Variants in BTBD10 observed in about 807,000 individuals in gnomAD.
The protein encoded by BTBD10 is BTB/POZ domain-containing protein 10.
Under a neutral mutation model 53.2 loss-of-function variants are expected in BTBD10, and 21 were observed. The observed-to-expected ratio is 0.39, with a 90% confidence interval of 0.28 to 0.57. The LOEUF is 0.57. Among genes scored for constraint, BTBD10 ranks in the 20% least tolerant of loss-of-function variants. BTBD10 has a pLI of 0.53. For missense variants in BTBD10, 360 were observed against 594.7 expected, an observed-to-expected ratio of 0.61 and a Z score of 4.10; for synonymous variants, 149 against 192.7, an observed-to-expected ratio of 0.77 and a Z score of 1.88.
chr11:13,431,196 T>C (rs953250158), intron 2 of BTBD10, among the ~76,000 whole-genome samples: 1 of 152,092 alleles, frequency 6.6e-6, no homozygotes, highest in Non-Finnish European at 1.5e-5. Context: ...ATTCCTTCTC[T>C]TACCAATCTA....
At chr11:13,394,479 G>A (rs535537827) in intron 8 of BTBD10, among the ~76,000 whole-genome samples, 5 of 152,212 alleles carry the variant, frequency 3.3e-5, no homozygotes, top group South Asian at 2.1e-4. Context: ...TTAAGCCTGC[G>A]GAATTGTGCA....
At chr11:13,404,362 GAAAAC>G (rs1335760351) in intron 7 of BTBD10, among the ~76,000 whole-genome samples, 1 of 151,872 alleles carries the variant, frequency 6.6e-6, no homozygotes, top group Non-Finnish European at 1.5e-5. Flanking sequence ...TAAAAAACAA[GAAAAC>G]AAAAATATTG....
chr11:13,460,611 A>T (rs533921374), intron 1 of BTBD10, among the ~76,000 whole-genome samples: 27 of 152,286 alleles, frequency 1.8e-4, no homozygotes, highest in African/African-American at 6.0e-4. Context: ...AACTAACACA[A>T]ATCAATCTTT....
At position 13,405,655 on chromosome 11, in the gene BTBD10, G is replaced by A. The variant is rs200299149; in HGVS notation, c.1006+4C>T. ...GGGGAGAGAAAACATGCCAGAGTAC[G>A]TACTTTGTGAATATTCTTCTCCCAT... On this transcript the variant is annotated splice_donor_region_variant and intron_variant, in intron 7 of 8. Coordinates refer to ENST00000278174, the MANE Select transcript of BTBD10 (RefSeq NM_032320.7). 1.6e-5 allele frequency: 26 copies of A among 1,613,026 alleles called. No individual in the cohort carries two copies. The highest frequency in any genetic ancestry group is 1.5e-4 in the Admixed American group (9 of 59,994).
chr11:13,423,585 C>G (rs191833397), intron 2 of BTBD10, among the ~76,000 whole-genome samples: 14 of 152,306 alleles, frequency 9.2e-5, no homozygotes, highest in African/African-American at 3.4e-4. Context: ...CCTTTTGAGT[C>G]ATTCCAGTGC....
chr11:13,415,434 G>A (rs7925736), intron 5 of BTBD10, among the ~76,000 whole-genome samples: 23,042 of 152,108 alleles, frequency 0.15, 1,998 homozygotes, highest in Admixed American at 0.24. Context: ...AGGCACAACT[G>A]AAGCCTGTTA....
chr11:13,420,719 ACCTC>A (rs1950226994), intron 3 of BTBD10, among the ~76,000 whole-genome samples: 1 of 152,054 alleles, frequency 6.6e-6, no homozygotes, highest in South Asian at 2.1e-4. Flanking sequence ...ATACTCTGAC[ACCTC>A]CCTTTTATTG....
intron 8 of BTBD10, among the ~76,000 whole-genome samples, chr11:13,391,509 C>T (rs1257561790): frequency 6.6e-6 from 1 of 152,168 alleles, no homozygotes; most frequent in African/African-American, 2.4e-5. Flanking sequence ...TCCTATATGG[C>T]TTTGACTTTA....
intron 1 of BTBD10, among the ~76,000 whole-genome samples, chr11:13,447,465 T>C (rs1438156780): frequency 6.6e-5 from 10 of 152,204 alleles, no homozygotes; most frequent in Admixed American, 5.9e-4. Context: ...CTCTTCTGAA[T>C]AGGATAGCCA....
At chr11:13,435,333 T>C (rs527588448) in intron 2 of BTBD10, among the ~76,000 whole-genome samples, 3 of 152,282 alleles carry the variant, frequency 2.0e-5, no homozygotes, top group East Asian at 1.9e-4. Flanking sequence ...CTGTTAATGA[T>C]TGAGAACAAT....
chr11:13,427,708 A>G (rs981276094), intron 2 of BTBD10, among the ~76,000 whole-genome samples: 1 of 152,202 alleles, frequency 6.6e-6, no homozygotes, highest in African/African-American at 2.4e-5. Context: ...ATTTCTCAAG[A>G]TAGATCATAT....
chr11:13,441,105 A>G (rs1038066669), intron 2 of BTBD10, among the ~76,000 whole-genome samples: 4 of 152,314 alleles, frequency 2.6e-5, no homozygotes, highest in Non-Finnish European at 5.9e-5. Flanking sequence ...AAACAAATTC[A>G]GTAATTTTTA....
chr11:13,414,627 C>A (rs561602139), intron 5 of BTBD10, among the ~76,000 whole-genome samples: 32 of 151,744 alleles, frequency 2.1e-4, no homozygotes, highest in African/African-American at 7.2e-4. Context: ...GCACTCCAGC[C>A]TGGGCGACAG....
chr11:13,456,060 T>A (rs914830393), intron 1 of BTBD10, among the ~76,000 whole-genome samples: 1 of 152,184 alleles, frequency 6.6e-6, no homozygotes, highest in African/African-American at 2.4e-5. Context: ...GTTTAAGGAA[T>A]CTAAAATTTG....
Position 13,399,862 on chromosome 11 carries a change from G to T in BTBD10, c.1117+3306C>A, listed in dbSNP as rs1949665172. 1.3e-5 allele frequency among the ~76,000 whole-genome samples: 2 copies of T among 152,324 alleles called. 1 individual carries two copies. On this transcript the variant is annotated intron_variant, in intron 8 of 8. Coordinates refer to ENST00000278174, the MANE Select transcript of BTBD10 (RefSeq NM_032320.7). ...CAGCAGCAGTGCCTACAGAACAGCA[G>T]ATATTGGTGAACTGCAAATGCTGCT...
intron 8 of BTBD10, among the ~76,000 whole-genome samples, chr11:13,401,124 GAT>G (rs994973721): frequency 3.1e-4 from 46 of 148,976 alleles, no homozygotes; most frequent in Admixed American, 1.3e-3. Flanking sequence ...TTATATATCA[GAT>G]ATATATATAT....
intron 8 of BTBD10, among the ~76,000 whole-genome samples, chr11:13,401,169 T>C (rs1949709853): frequency 6.6e-6 from 1 of 150,820 alleles, no homozygotes; most frequent in African/African-American, 2.4e-5. Flanking sequence ...ACACATATAA[T>C]GTACTATTTT....
At chr11:13,436,637 G>A (rs1950547908) in intron 2 of BTBD10, among the ~76,000 whole-genome samples, 1 of 152,112 alleles carries the variant, frequency 6.6e-6, no homozygotes, top group Non-Finnish European at 1.5e-5. Context: ...TGAACCAAGG[G>A]GTTCAATTTC....
intron 5 of BTBD10, among the ~76,000 whole-genome samples, chr11:13,414,512 G>A (rs372915435): frequency 6.6e-6 from 1 of 152,134 alleles, no homozygotes; most frequent in African/African-American, 2.4e-5. Context: ...AAATTAGCCG[G>A]GTGTGGTGGC....
Sources: allele counts gnomAD v4.1 joint callset (sites outside exome capture counted in the v4.1 genomes callset), GRCh38; gene constraint gnomAD v4.1.1; transcripts MANE v1.5; gene names NCBI Gene and HGNC (gene_info 2026-07-23, HGNC 2026-07-21).